Variants in CCDC190 observed in about 807,000 individuals in gnomAD.
The protein encoded by CCDC190 is coiled-coil domain containing 190.
CCDC190 carries 10 observed loss-of-function variants against 13.1 expected under a neutral mutation model. The observed-to-expected ratio is 0.77, with a 90% CI of 0.47 to 1.30. The LOEUF (loss-of-function observed/expected upper bound fraction) is 1.30. CCDC190 is among the 50% of genes most tolerant of loss of function. The pLI, the probability that CCDC190 is intolerant of heterozygous loss-of-function variation, is 0.00. For synonymous variants in CCDC190, 136 were observed against 127.2 expected, an observed-to-expected ratio of 1.07 and a Z score of -0.47; for missense variants, 375 against 354.3, an observed-to-expected ratio of 1.06 and a Z score of -0.47.
Position 162,854,233 on chromosome 1 carries a change from C to G in CCDC190, c.*532G>C, listed in dbSNP as rs1244167829. Reference sequence around the variant, plus strand: ...CAGGTTGAAAGTGGGAGGGTGAAAACTAAAATGGAGCTATCTGTAAATAAA... The same window carrying G: ...CAGGTTGAAAGTGGGAGGGTGAAAAGTAAAATGGAGCTATCTGTAAATAAA... On this transcript the variant is annotated 3_prime_UTR_variant, in exon 4 of 4. Coordinates refer to ENST00000367912, the MANE Select transcript of CCDC190 (RefSeq NM_001394065.1). The G allele has an allele frequency of 1.0e-5, 10 of 985,368 alleles. No homozygotes were observed. The highest frequency in any genetic ancestry group is 1.1e-5 in the Non-Finnish European group (9 of 829,952). 61.0% of individuals were successfully genotyped at this position (985,368 alleles called of 1,614,324 possible). A position where few individuals can be genotyped will look rare whatever the true frequency, so the allele number is the denominator to read the frequency against.
At position 162,852,900 on chromosome 1, in the gene CCDC190, G is replaced by A. The variant is rs1252130509; in HGVS notation, c.*1865C>T. On this transcript the variant is annotated 3_prime_UTR_variant, in exon 4 of 4. Transcript: ENST00000367912. ...TGTGATGACGATAGGCAAGGCTTGCGTAGAAGACAAGAAGAAAGAACTTTT... is the reference window on the plus strand; with the variant it reads ...TGTGATGACGATAGGCAAGGCTTGCATAGAAGACAAGAAGAAAGAACTTTT... The A allele has an allele frequency of 1.3e-5, 7 of 558,332 alleles. No homozygotes were observed. Among genetic ancestry groups the A allele is most frequent in the Admixed American group, 3.2e-5 (1 of 31,312 alleles). 34.6% of individuals were successfully genotyped at this position (558,332 alleles called of 1,614,324 possible).
upstream of CCDC190, among the ~76,000 whole-genome samples, chr1:162,861,899 AG>A (rs1650534977): frequency 6.6e-6 from 1 of 152,142 alleles, no homozygotes; most frequent in Non-Finnish European, 1.5e-5. Flanking sequence ...ACTGAGAGGC[AG>A]GCAGCTAAAC....
At chr1:162,865,915 T>C (rs531857807), upstream of CCDC190, among the ~76,000 whole-genome samples, 1 of 152,170 alleles carries the variant, frequency 6.6e-6, no homozygotes, top group East Asian at 1.9e-4. Flanking sequence ...GAAAAAGATA[T>C]ACAGACTGGA....
At position 162,859,653 on chromosome 1, in the gene CCDC190, T is replaced by C. The variant is rs767547732; in HGVS notation, c.-7A>G. The C allele has an allele frequency of 1.7e-5, 28 of 1,611,890 alleles. No homozygotes were observed. In the East Asian group the frequency reaches 2.9e-4, roughly 17 times the overall value. On this transcript the variant is annotated 5_prime_UTR_variant, in exon 2 of 4. It adds an upstream start codon to the 5' untranslated region. Transcript: ENST00000367912. Reference sequence around the variant, plus strand: ...TGACCATGTGCCTCTCCATCTTCTTTATGGTCTAGAGACAATAAGGTATCA... The same window carrying C: ...TGACCATGTGCCTCTCCATCTTCTTCATGGTCTAGAGACAATAAGGTATCA...
At position 162,853,212 on chromosome 1, in the gene CCDC190, G is replaced by A; in HGVS notation, c.*1553C>T. ...TGATCTAAGTTTTTGTCTTCAGATA[G>A]GTGGTAGTGTGGTGTAATGAAAGAG... On this transcript the variant is annotated 3_prime_UTR_variant, in exon 4 of 4. Coordinates refer to ENST00000367912, the MANE Select transcript of CCDC190 (RefSeq NM_001394065.1). The A allele has an allele frequency of 6.9e-7, 1 of 1,452,058 alleles. No homozygotes were observed. The highest frequency in any genetic ancestry group is 9.3e-7 in the Non-Finnish European group (1 of 1,072,742). 89.9% of individuals were successfully genotyped at this position (1,452,058 alleles called of 1,614,324 possible). A position where few individuals can be genotyped will look rare whatever the true frequency, so the allele number is the denominator to read the frequency against.
Position 162,855,077 on chromosome 1 carries a change from A to G in CCDC190, c.594T>C (p.Ser198=). The part of the protein sequence containing the change: ...IEQGPSSSPA[S]DSGMACADET... ...CATCAGCACATGCCATTCCACTATC[A>G]CTAGCTGGGCTGGAACTAGGACCTT... is the stretch of plus-strand genomic sequence containing the variant. Residue 198 remains serine (S), a synonymous_variant, in exon 4 of 4, where the codon AGT becomes AGC. Coordinates refer to ENST00000367912, the MANE Select transcript of CCDC190 (RefSeq NM_001394065.1). The G allele has an allele frequency of 6.2e-7, 1 of 1,613,918 alleles. No homozygotes were observed. Among genetic ancestry groups the G allele is most frequent in the Non-Finnish European group, 8.5e-7 (1 of 1,179,880 alleles).
Position 162,851,290 on chromosome 1 carries a change from A to ATTTTTTTTTTTTTTTTT in CCDC190, c.*3458_*3474dup, listed in dbSNP as rs954335609. 1.2e-5 allele frequency: 1 copy of ATTTTTTTTTTTTTTTTT among 84,008 alleles called. No homozygotes were observed. Among genetic ancestry groups the ATTTTTTTTTTTTTTTTT allele is most frequent in the Non-Finnish European group, 2.3e-5 (1 of 42,610 alleles). The allele number at this position is 84,008 out of a possible 1,614,324, so 5.2% of individuals were successfully genotyped here. On this transcript the variant is annotated 3_prime_UTR_variant, in exon 4 of 4. Coordinates refer to ENST00000367912, the MANE Select transcript of CCDC190 (RefSeq NM_001394065.1). ...GTCCACACACCTCTGGTTCCTCTCC[A>ATTTTTTTTTTTTTTTTT]TTTTTTTTTTTTTTTTTTTTTTTTT...
At position 162,852,450 on chromosome 1, in the gene CCDC190, T is replaced by C. The variant is rs1173124861; in HGVS notation, c.*2315A>G. On this transcript the variant is annotated 3_prime_UTR_variant, in exon 4 of 4. Transcript: ENST00000367912. Reference sequence around the variant, plus strand: ...AAGGTTCCATGCAGCAGCGTTCTCTTTGATTGAGTTAAGTTGTACTAATCA... The same window carrying C: ...AAGGTTCCATGCAGCAGCGTTCTCTCTGATTGAGTTAAGTTGTACTAATCA... 6.6e-6 allele frequency: 1 copy of C among 152,300 alleles called. No homozygotes were observed. The highest frequency in any genetic ancestry group is 1.5e-5 in the Non-Finnish European group (1 of 68,088). The allele number at this position is 152,300 out of a possible 1,614,324, so 9.4% of individuals were successfully genotyped here.
chr1:162,855,028 G>T lies in CCDC190; in HGVS notation c.643C>A (p.Leu215Ile). The T allele has an allele frequency of 6.2e-7, 1 of 1,613,982 alleles. No homozygotes were observed. The highest frequency in any genetic ancestry group is 8.5e-7 in the Non-Finnish European group (1 of 1,179,890). The stretch of plus-strand genomic sequence containing the variant: ...TTTCCAGTGTTCCCATCTGGCTTTA[G>T]AGCAACATCTTTTGATCTGGTCTCA... ...ADETRSKDVA[L>I]KPDGNTGKQI... Residue 215 changes from leucine to isoleucine, a missense_variant, in exon 4 of 4, where the codon CTA becomes ATA. By Grantham distance (5) the Leu-to-Ile change is conservative. Coordinates refer to ENST00000367912, the MANE Select transcript of CCDC190 (RefSeq NM_001394065.1).
At chr1:162,868,126 A>G (rs1362049329) in intron 1 of CCDC190, among the ~76,000 whole-genome samples, 2 of 152,244 alleles carry the variant, frequency 1.3e-5, no homozygotes, top group African/African-American at 2.4e-5. Flanking sequence ...ATTTTCAGGC[A>G]AGTAAACAAA....
chr1:162,854,163 A>C lies in CCDC190; in HGVS notation c.*602T>G. On this transcript the variant is annotated 3_prime_UTR_variant, in exon 4 of 4. Transcript: ENST00000367912. Reference sequence around the variant, plus strand: ...TTCTAGAAGATATGAGAGGGAAAAGATTGTCCATTATTCTTTCAATAGGAT... The same window carrying C: ...TTCTAGAAGATATGAGAGGGAAAAGCTTGTCCATTATTCTTTCAATAGGAT... The C allele has an allele frequency of 1.1e-6, 1 of 914,766 alleles. No homozygotes were observed. The allele number at this position is 914,766 out of a possible 1,614,324, so 56.7% of individuals were successfully genotyped here. A position where few individuals can be genotyped will look rare whatever the true frequency, so the allele number is the denominator to read the frequency against.
Position 162,861,172 on chromosome 1 carries a change from A to G in CCDC190, c.-177T>C, listed in dbSNP as rs559321369. On this transcript the variant is annotated 5_prime_UTR_variant, in exon 1 of 4. Transcript: ENST00000367912. ...GAGAGGGCTGCGAGGAGAATGTTAAATACACTTGAAAGCTCTCTTCGTCCC... is the reference window on the plus strand; with the variant it reads ...GAGAGGGCTGCGAGGAGAATGTTAAGTACACTTGAAAGCTCTCTTCGTCCC... 4.4e-6 allele frequency: 1 copy of G among 229,578 alleles called. No individual in the cohort carries two copies. Among genetic ancestry groups the G allele is most frequent in the East Asian group, 1.8e-4 (1 of 5,424 alleles). 14.2% of individuals were successfully genotyped at this position (229,578 alleles called of 1,614,324 possible).
At chr1:162,868,477 A>T (rs1650784361) in intron 1 of CCDC190, among the ~76,000 whole-genome samples, 1 of 152,336 alleles carries the variant, frequency 6.6e-6, no homozygotes, top group East Asian at 1.9e-4. Flanking sequence ...AGAACAAATC[A>T]ACAATCCCAA....
chr1:162,856,916 ACTT>A lies in CCDC190; in HGVS notation c.188-1164_188-1162del, dbSNP rs143044888. Reference sequence around the variant, plus strand: ...CATATAAATTGAGGGATTTTGAGCTACTTCTCCCAGCAAGATCTGTTTTCTGAA... The same window carrying A: ...CATATAAATTGAGGGATTTTGAGCTACTCCCAGCAAGATCTGTTTTCTGAA... On this transcript the variant is annotated intron_variant, in intron 2 of 3. Coordinates refer to ENST00000367912, the MANE Select transcript of CCDC190 (RefSeq NM_001394065.1). Among the ~76,000 whole-genome samples, 121 of 152,222 alleles carry A rather than the reference ACTT, an allele frequency of 7.9e-4. 1 individual carries two copies. The highest frequency in any genetic ancestry group is 2.8e-3 in the African/African-American group (115 of 41,526).
At chr1:162,861,810 T>C (rs1650529330), upstream of CCDC190, among the ~76,000 whole-genome samples, 2 of 152,132 alleles carry the variant, frequency 1.3e-5, no homozygotes, top group Non-Finnish European at 2.9e-5. Context: ...TGGAGCTTCG[T>C]CTGAAAATAA....
At chr1:162,858,846 T>C (rs1650400235) in intron 2 of CCDC190, among the ~76,000 whole-genome samples, 1 of 152,224 alleles carries the variant, frequency 6.6e-6, no homozygotes, top group South Asian at 2.1e-4. Context: ...AATTTTTAAT[T>C]GATAAGAGTG....
upstream of CCDC190, among the ~76,000 whole-genome samples, chr1:162,861,869 T>C (rs1244377656): frequency 1.3e-5 from 2 of 152,232 alleles, no homozygotes; most frequent in Non-Finnish European, 2.9e-5. Context: ...CACTGGGGCC[T>C]GATAATCCCC....
In CCDC190 at chr1:162,851,844, G is replaced by C. The variant is rs1017092395; in HGVS notation, c.*2921C>G. The C allele has an allele frequency of 6.6e-6, 1 of 152,198 alleles. No individual in the cohort carries two copies. Among genetic ancestry groups the C allele is most frequent in the Non-Finnish European group, 1.5e-5 (1 of 68,026 alleles). The allele number at this position is 152,198 out of a possible 1,614,324, so 9.4% of individuals were successfully genotyped here. On this transcript the variant is annotated 3_prime_UTR_variant, in exon 4 of 4. Transcript: ENST00000367912. ...TTACTAATTTGAATGTTAAAGATTT[G>C]TATTTGTAGGGTTGAAAGCATTTCT...
chr1:162,855,040 T>G lies in CCDC190; in HGVS notation c.631A>C (p.Lys211Gln). 1.9e-6 allele frequency: 3 copies of G among 1,614,062 alleles called. No individual in the cohort carries two copies. Among genetic ancestry groups the G allele is most frequent in the East Asian group, 4.5e-5 (2 of 44,894 alleles). ...GMACADETRS[K>Q]DVALKPDGNT... ...CCATCTGGCTTTAGAGCAACATCTTTTGATCTGGTCTCATCAGCACATGCC... is the reference window on the plus strand; with the variant it reads ...CCATCTGGCTTTAGAGCAACATCTTGTGATCTGGTCTCATCAGCACATGCC... The change falls in exon 4 of 4, where the codon AAA (lysine) becomes CAA (glutamine). Residue 211 changes from lysine (K) to glutamine (Q), a missense_variant. Lys to Gln is a moderately conservative substitution (Grantham distance 53). Transcript: ENST00000367912.
Sources: gnomAD v4.1 joint callset for allele counts (sites outside exome capture counted in the v4.1 genomes callset) on GRCh38, gnomAD v4.1.1 for gene constraint, MANE v1.5 for transcripts, NCBI Gene and HGNC (gene_info 2026-07-23, HGNC 2026-07-21) for gene names.